The following DNER variants were observed in gnomAD, a reference collection of about 807,000 sequenced individuals.
The protein encoded by DNER is delta and Notch-like epidermal growth factor-related receptor.
A neutral mutation model predicts 78.2 loss-of-function variants in DNER; 33 were observed. The ratio of observed to expected loss-of-function variants is 0.42; its 90% CI spans 0.32 to 0.56. The LOEUF is 0.56. DNER is among the 20% of genes least tolerant of loss of function. The probability of loss-of-function intolerance (pLI) is 0.11; values close to 1 mark genes in which losing one functional copy is unlikely to be tolerated. For synonymous variants in DNER, 417 were observed against 384.8 expected, an observed-to-expected ratio of 1.08 and a Z score of -0.98; for missense variants, 918 against 975.3, an observed-to-expected ratio of 0.94 and a Z score of 0.78.
At chr2:229,386,610 TA>T (rs1182566433) in intron 11 of DNER, among the ~76,000 whole-genome samples, 2 of 147,196 alleles carry the variant, frequency 1.4e-5, no homozygotes, top group Non-Finnish European at 3.0e-5. Flanking sequence ...ACAAAGAACT[TA>T]AAAAAATTTA....
intron 1 of DNER, among the ~76,000 whole-genome samples, chr2:229,690,723 G>A (rs998560601): frequency 2.6e-5 from 4 of 152,186 alleles, no homozygotes. Flanking sequence ...GCAAGAGACA[G>A]ACAGACTGTA....
chr2:229,443,902 A>C (rs1416902317), intron 8 of DNER, among the ~76,000 whole-genome samples: 6 of 152,190 alleles, frequency 3.9e-5, no homozygotes, highest in Non-Finnish European at 5.9e-5. Flanking sequence ...TGGTGTTAAG[A>C]TGCCTTTTTT....
At chr2:229,669,031 T>A (rs1301558024) in intron 1 of DNER, among the ~76,000 whole-genome samples, 1 of 152,130 alleles carries the variant, frequency 6.6e-6, no homozygotes, top group Non-Finnish European at 1.5e-5. Context: ...CATGGAATAC[T>A]ATGCAGTCAT....
intron 4 of DNER, among the ~76,000 whole-genome samples, chr2:229,563,645 TCA>T (rs1697020455): frequency 7.1e-6 from 1 of 141,034 alleles, no homozygotes. Flanking sequence ...ATCATCAACA[TCA>T]TCATCACCCC....
At chr2:229,406,614 C>T (rs1305088838) in intron 10 of DNER, among the ~76,000 whole-genome samples, 1 of 152,166 alleles carries the variant, frequency 6.6e-6, no homozygotes, top group Non-Finnish European at 1.5e-5. Context: ...AGCACATACA[C>T]GTACAAACCA....
At chr2:229,583,401 T>C (rs1008290520) in intron 4 of DNER, among the ~76,000 whole-genome samples, 2 of 152,246 alleles carry the variant, frequency 1.3e-5, no homozygotes, top group African/African-American at 4.8e-5. Context: ...TAATAAAGTG[T>C]TGAATATCTT....
intron 1 of DNER, among the ~76,000 whole-genome samples, chr2:229,694,803 TTTGGAC>T (rs1047971472): frequency 1.3e-5 from 2 of 152,218 alleles, no homozygotes; most frequent in African/African-American, 4.8e-5. Flanking sequence ...CAGATGAGAC[TTTGGAC>T]TTGGACTTTT....
intron 6 of DNER, among the ~76,000 whole-genome samples, chr2:229,502,915 G>C (rs947917738): frequency 2.6e-5 from 4 of 152,138 alleles, no homozygotes; most frequent in Admixed American, 6.5e-5. Flanking sequence ...TTTTCCTCTG[G>C]CTGATCTTGG....
intron 8 of DNER, among the ~76,000 whole-genome samples, chr2:229,428,091 A>G (rs7601566): frequency 0.36 from 53,037 of 146,678 alleles, 11,667 homozygotes; most frequent in Non-Finnish European, 0.48. Flanking sequence ...AAAAAAAAAA[A>G]AGAGAAAAAA....
intron 8 of DNER, among the ~76,000 whole-genome samples, chr2:229,431,871 T>C (rs1207476145): frequency 6.6e-6 from 1 of 152,202 alleles, no homozygotes; most frequent in Non-Finnish European, 1.5e-5. Context: ...TGCCAGGTTA[T>C]ATTTAAAGAA....
At chr2:229,632,272 A>G (rs1035107966) in intron 1 of DNER, among the ~76,000 whole-genome samples, 2 of 152,218 alleles carry the variant, frequency 1.3e-5, no homozygotes, top group Admixed American at 6.5e-5. Context: ...ATTCAAAGTT[A>G]CTCATGTTTT....
chr2:229,426,440 C>CAA (rs58842918), intron 8 of DNER, among the ~76,000 whole-genome samples: 5,571 of 69,108 alleles, frequency 0.081, 338 homozygotes, highest in Middle Eastern at 0.13. Flanking sequence ...GACTCCATCT[C>CAA]AAAAAAAAAA....
intron 1 of DNER, among the ~76,000 whole-genome samples, chr2:229,593,951 C>T (rs1422228894): frequency 2.0e-5 from 3 of 152,234 alleles, no homozygotes; most frequent in African/African-American, 2.4e-5. Flanking sequence ...ACCTCCATTG[C>T]GCAGCTTAGA....
At chr2:229,646,801 G>A (rs1047399379) in intron 1 of DNER, among the ~76,000 whole-genome samples, 3 of 152,226 alleles carry the variant, frequency 2.0e-5, no homozygotes, top group Non-Finnish European at 4.4e-5. Context: ...GAACTTACAT[G>A]CAGGAGGCCA....
chr2:229,679,297 AC>A (rs1162861134), intron 1 of DNER, among the ~76,000 whole-genome samples: 3 of 152,210 alleles, frequency 2.0e-5, no homozygotes, highest in African/African-American at 7.2e-5. Context: ...ATTAATTTTC[AC>A]CTTTTGCCTA....
chr2:229,512,752 C>T (rs776492748), intron 6 of DNER, 31 bp downstream of exon 6: 67 of 1,613,070 alleles, frequency 4.2e-5, no homozygotes, highest in Non-Finnish European at 5.6e-5. Flanking sequence ...AGACATACAC[C>T]TAATAACTGA....
At chr2:229,651,947 G>C (rs934525799) in intron 1 of DNER, among the ~76,000 whole-genome samples, 10 of 143,336 alleles carry the variant, frequency 7.0e-5, no homozygotes, top group African/African-American at 2.4e-4. Context: ...CGGTGGTAGA[G>C]AGAAAGTCAG....
At chr2:229,454,471 TTTA>T (rs1055322894) in intron 7 of DNER, among the ~76,000 whole-genome samples, 8 of 152,196 alleles carry the variant, frequency 5.3e-5, no homozygotes, top group African/African-American at 1.9e-4. Flanking sequence ...CCTGTGTTTT[TTTA>T]TTATTATTAA....
At chr2:229,632,425 C>A (rs1296695792) in intron 1 of DNER, among the ~76,000 whole-genome samples, 2 of 152,320 alleles carry the variant, frequency 1.3e-5, no homozygotes, top group East Asian at 3.9e-4. Flanking sequence ...AATGGAGCAT[C>A]TTAAGAACTC....
Sources: gnomAD v4.1 joint callset for allele counts (sites outside exome capture counted in the v4.1 genomes callset) on GRCh38, gnomAD v4.1.1 for gene constraint, MANE v1.5 for transcripts, NCBI Gene and HGNC (gene_info 2026-07-23, HGNC 2026-07-21) for gene names.